The following TLK1 variants were observed in gnomAD, a reference collection of about 807,000 sequenced individuals.
TLK1 encodes tousled like kinase 1, also known as serine/threonine-protein kinase tousled-like 1.
Under a neutral mutation model 105.3 loss-of-function variants are expected in TLK1, and 24 were observed. That is an observed-to-expected ratio of 0.23 (90% confidence interval 0.17 to 0.32). The LOEUF (loss-of-function observed/expected upper bound fraction) is 0.32, where lower values mean the gene tolerates loss of function less well. TLK1 is among the 10% of genes least tolerant of loss of function. The probability of loss-of-function intolerance (pLI) is 1.00; values close to 1 mark genes in which losing one functional copy is unlikely to be tolerated. For missense variants in TLK1, 558 were observed against 910.5 expected, an observed-to-expected ratio of 0.61 and a Z score of 4.98; for synonymous variants, 321 against 310.4, an observed-to-expected ratio of 1.03 and a Z score of -0.36.
intron 1 of TLK1, among the ~76,000 whole-genome samples, chr2:171,137,403 C>A (rs1351042151): frequency 6.6e-6 from 1 of 151,972 alleles, no homozygotes; most frequent in African/African-American, 2.4e-5. Flanking sequence ...AATGTTGATT[C>A]AATGAAGTGA....
Position 171,202,572 on chromosome 2 carries a change from T to C in TLK1, c.-6+28573A>G, listed in dbSNP as rs1693424543. 2.6e-5 allele frequency among the ~76,000 whole-genome samples: 4 copies of C among 151,752 alleles called. 1 individual carries two copies. In the South Asian group the frequency reaches 8.3e-4, roughly 32 times the overall value. ...AGGAGTTCAAGACCAGCCTGGCCAA[T>C]ACAGCGAAACCCTGTGTCTACTAAA... On this transcript the variant is annotated intron_variant, in intron 1 of 20. Coordinates refer to the TLK1 transcript ENST00000521943.
intron 1 of TLK1, among the ~76,000 whole-genome samples, chr2:171,133,146 T>C (rs1195199174): frequency 6.6e-6 from 1 of 152,206 alleles, no homozygotes. Context: ...TTGTTACCTG[T>C]CAAGTACTAT....
intron 1 of TLK1, among the ~76,000 whole-genome samples, chr2:171,123,911 A>C (rs916676410): frequency 7.1e-6 from 1 of 139,972 alleles, no homozygotes; most frequent in African/African-American, 2.7e-5. Context: ...CCAAATATTG[A>C]TATTAACCCA....
At position 171,160,393 on chromosome 2, in the gene TLK1, C is replaced by T; in HGVS notation, c.36G>A (p.Gly12=). The T allele has an allele frequency of 6.2e-7, 1 of 1,603,506 alleles. No individual in the cohort carries two copies. The highest frequency in any genetic ancestry group is 8.5e-7 in the Non-Finnish European group (1 of 1,175,670). ...SVQSSSGSLE[G]PPSWSQLSTS... ...TGGAGAGCTGGGACCAAGATGGCGG[C>T]CCCTCCAAACTTCCACTGCTACTTT... The change falls in exon 1 of 21, where the codon GGG becomes GGA. Residue 12 remains glycine, a synonymous_variant. Transcript: ENST00000431350. The surrounding 1 kb of genome is among the most constrained non-coding windows in gnomAD (Gnocchi z 4.4).
At chr2:171,141,088 T>C (rs558635765) in intron 1 of TLK1, among the ~76,000 whole-genome samples, 2 of 152,002 alleles carry the variant, frequency 1.3e-5, no homozygotes, top group South Asian at 2.1e-4. Flanking sequence ...AGATAAAACA[T>C]ACAAAAAAGG....
rs187586576 is a variant in TLK1, at chr2:171,052,332, G to A, written c.732+1429C>T. 2.0e-5 allele frequency among the ~76,000 whole-genome samples: 3 copies of A among 152,260 alleles called. No individual in the cohort carries two copies. In the East Asian group the frequency reaches 5.8e-4, roughly 29 times the overall value. ...GGTATTATACAGTAAAATGGAAAAT[G>A]CGTATGCCCTGTACTCTGGCTATGT... On this transcript the variant is annotated intron_variant, in intron 8 of 20. Transcript: ENST00000431350.
intron 1 of TLK1, among the ~76,000 whole-genome samples, chr2:171,200,325 A>T (rs1251043839): frequency 6.6e-6 from 1 of 152,080 alleles, no homozygotes; most frequent in African/African-American, 2.4e-5. Flanking sequence ...CAGTTGCGTG[A>T]TATCATTACT....
intron 1 of TLK1, among the ~76,000 whole-genome samples, chr2:171,131,412 C>T (rs1049296260): frequency 3.9e-5 from 6 of 152,126 alleles, no homozygotes; most frequent in Non-Finnish European, 8.8e-5. Flanking sequence ...ACATCATTCT[C>T]GTACCTTTTT....
At chr2:171,148,943 G>T (rs910562204) in intron 1 of TLK1, among the ~76,000 whole-genome samples, 1 of 147,294 alleles carries the variant, frequency 6.8e-6, no homozygotes, top group Admixed American at 6.8e-5. Flanking sequence ...GCGTGTGTGT[G>T]TATGTGCGAT....
Position 171,158,871 on chromosome 2 carries a change from T to A in TLK1, c.139+1419A>T, listed in dbSNP as rs1575638413. Among the ~76,000 whole-genome samples the A allele has an allele frequency of 2.6e-5, 4 of 152,322 alleles. 1 individual carries two copies. The highest frequency in any genetic ancestry group is 9.6e-5 in the African/African-American group (4 of 41,578). ...TAACAATGAAAGCTCAGCGTTGGGA[T>A]AAGATGAAAGGGGGAAACGTCTGTC... On this transcript the variant is annotated intron_variant, in intron 1 of 20. Coordinates refer to ENST00000431350, the MANE Select transcript of TLK1 (RefSeq NM_012290.5).
intron 1 of TLK1, among the ~76,000 whole-genome samples, chr2:171,153,450 G>C (rs1008378971): frequency 1.1e-4 from 17 of 152,212 alleles, no homozygotes; most frequent in African/African-American, 2.7e-4. Flanking sequence ...GATATATAGA[G>C]AGATGATGTA....
intron 2 of TLK1, among the ~76,000 whole-genome samples, chr2:171,088,490 GAC>G (rs928704633): frequency 6.6e-6 from 1 of 152,152 alleles, no homozygotes; most frequent in African/African-American, 2.4e-5. Context: ...GGATTGGAAA[GAC>G]ACATTTTTAA....
chr2:171,211,695 G>A (rs767124193), intron 1 of TLK1, among the ~76,000 whole-genome samples: 5 of 151,594 alleles, frequency 3.3e-5, no homozygotes, highest in Admixed American at 2.6e-4. Flanking sequence ...GATTACAGGC[G>A]CACCCCACCA....
chr2:171,185,014 AT>A (rs1306931148), intron 1 of TLK1, among the ~76,000 whole-genome samples: 3 of 151,722 alleles, frequency 2.0e-5, no homozygotes, highest in Admixed American at 6.6e-5. Flanking sequence ...AATTTTTTGC[AT>A]TTTTTAGTAG....
chr2:171,154,856 T>C (rs1692173287), intron 1 of TLK1, among the ~76,000 whole-genome samples: 1 of 152,194 alleles, frequency 6.6e-6, no homozygotes, highest in Non-Finnish European at 1.5e-5. Flanking sequence ...CTGGGTATTA[T>C]TACTTACTAC....
At chr2:171,043,047 T>A (rs1245756721) in intron 11 of TLK1, among the ~76,000 whole-genome samples, 3 of 151,578 alleles carry the variant, frequency 2.0e-5, no homozygotes, top group African/African-American at 7.3e-5. Flanking sequence ...GGTCCTACAC[T>A]AAGACAGTGA....
intron 1 of TLK1, among the ~76,000 whole-genome samples, chr2:171,212,176 G>A (rs1485114889): frequency 2.0e-5 from 3 of 152,044 alleles, no homozygotes; most frequent in East Asian, 3.9e-4. Flanking sequence ...AAGCCTTTCC[G>A]GACCTCCAGA....
At chr2:171,049,729 G>A in intron 10 of TLK1, 85 bp downstream of exon 10, 4 of 1,519,076 alleles carry the variant, frequency 2.6e-6, no homozygotes, top group Non-Finnish European at 1.8e-6. Context: ...AGGAACTGGA[G>A]AGCATAATTA....
At chr2:171,106,897 CAT>C (rs1455540586) in intron 2 of TLK1, among the ~76,000 whole-genome samples, 1 of 152,168 alleles carries the variant, frequency 6.6e-6, no homozygotes, top group East Asian at 1.9e-4. Context: ...CTTCATCCAA[CAT>C]ATACCTGTAC....
Sources: allele counts gnomAD v4.1 joint callset (sites outside exome capture counted in the v4.1 genomes callset), GRCh38; gene constraint gnomAD v4.1.1; non-coding constraint Gnocchi (gnomAD v3.1); transcripts MANE v1.5; gene names NCBI Gene and HGNC (gene_info 2026-07-23, HGNC 2026-07-21).